Variants in APLF observed in about 807,000 individuals in gnomAD.
APLF encodes the protein aprataxin and PNKP like factor, also known as aprataxin and PNK-like factor.
A neutral mutation model predicts 55.6 loss-of-function variants in APLF; 61 were observed. The observed-to-expected ratio is 1.10, with a 90% CI of 0.89 to 1.36. The LOEUF is 1.36. APLF is among the 40% of genes most tolerant of loss of function. The pLI, the probability that APLF is intolerant of heterozygous loss-of-function variation, is 0.00. For missense variants in APLF, 611 were observed against 602.5 expected (o/e 1.01, Z -0.15); for synonymous variants, 207 against 214.8 (o/e 0.96, Z 0.32).
At position 68,529,053 on chromosome 2, in the gene APLF, C is replaced by T. The variant is rs1670166417; in HGVS notation, c.804+2811C>T. ...AGCCTGGCTGGGATCACCTGCTCAT[C>T]TAATGAAGGAAGTTGAAGGTTAAAC... On this transcript the variant is annotated intron_variant, in intron 6 of 9. Coordinates refer to ENST00000303795, the MANE Select transcript of APLF (RefSeq NM_173545.3). This position sits in a 1 kb window ranked among gnomAD's most constrained non-coding sequence, Gnocchi z 4.4. 6.8e-7 allele frequency: 1 copy of T among 1,468,336 alleles called. No homozygotes were observed. The highest frequency in any genetic ancestry group is 9.2e-7 in the Non-Finnish European group (1 of 1,085,078). 91.0% of individuals were successfully genotyped at this position (1,468,336 alleles called of 1,614,324 possible). A position where few individuals can be genotyped will look rare whatever the true frequency, so the allele number is the denominator to read the frequency against.
At chr2:68,518,851 CTAA>C (rs1374538496) in intron 5 of APLF, among the ~76,000 whole-genome samples, 3 of 103,378 alleles carry the variant, frequency 2.9e-5, no homozygotes, top group Admixed American at 2.1e-4. Context: ...TAATAAAATA[CTAA>C]TATTATGTCA....
In APLF at chr2:68,471,140, A is replaced by C. The variant is rs189631057; in HGVS notation, c.96+3313A>C. ...CTTTAACACGTGATTTCTTCCTTCC[A>C]TTTCGGCATCTCAGCCTCTCATTCA... On this transcript the variant is annotated intron_variant, in intron 1 of 9. Coordinates refer to ENST00000303795, the MANE Select transcript of APLF (RefSeq NM_173545.3). Among the ~76,000 whole-genome samples the C allele has an allele frequency of 4.6e-5, 7 of 152,200 alleles. No homozygotes were observed. The South Asian group carries it at 8.3e-4, about 18-fold the overall frequency.
intron 5 of APLF, among the ~76,000 whole-genome samples, chr2:68,524,403 C>A (rs1211107946): frequency 6.6e-6 from 1 of 152,160 alleles, no homozygotes; most frequent in Non-Finnish European, 1.5e-5. Flanking sequence ...TAGAACTGGA[C>A]TAAGCAAACT....
At chr2:68,538,447 C>T (rs562091881) in intron 7 of APLF, among the ~76,000 whole-genome samples, 1 of 152,258 alleles carries the variant, frequency 6.6e-6, no homozygotes, top group Non-Finnish European at 1.5e-5. Context: ...TATATATAGA[C>T]ATGCTGACTA....
At chr2:68,486,827 T>C (rs1250423585) in intron 1 of APLF, among the ~76,000 whole-genome samples, 2 of 152,178 alleles carry the variant, frequency 1.3e-5, no homozygotes, top group African/African-American at 4.8e-5. Flanking sequence ...ATGTGAAATA[T>C]CTGACTTTCA....
Position 68,540,169 on chromosome 2 carries a change from C to T in APLF, c.1160+1942C>T, listed in dbSNP as rs139450615. Among the ~76,000 whole-genome samples the T allele has an allele frequency of 1.4e-3, 209 of 151,960 alleles. 1 individual carries two copies. The highest frequency in any genetic ancestry group is 5.0e-3 in the African/African-American group (207 of 41,424). On this transcript the variant is annotated intron_variant, in intron 7 of 9. Transcript: ENST00000303795. ...AATGCTATCCCTCCCCTTGCCCCCA[C>T]CCCTCAACAGGCACCAGTATGTGAT...
At chr2:68,527,351 G>A (rs1670093312) in intron 6 of APLF, among the ~76,000 whole-genome samples, 1 of 151,674 alleles carries the variant, frequency 6.6e-6, no homozygotes, top group Admixed American at 6.6e-5. Flanking sequence ...CGGGGCAGAG[G>A]CACTCCTCAC....
intron 1 of APLF, among the ~76,000 whole-genome samples, chr2:68,472,155 CAGAT>C (rs372896456): frequency 3.3e-5 from 5 of 152,270 alleles, no homozygotes; most frequent in African/African-American, 1.2e-4. Context: ...GCAGAGCTCT[CAGAT>C]AGCGGACTTC....
chr2:68,482,640 T>C (rs1675999775), intron 1 of APLF, among the ~76,000 whole-genome samples: 1 of 152,264 alleles, frequency 6.6e-6, no homozygotes, highest in African/African-American at 2.4e-5. Context: ...GTTTGGCTGC[T>C]TAGGGTCTGG....
At chr2:68,525,292 T>C (rs1477425033) in intron 5 of APLF, among the ~76,000 whole-genome samples, 1 of 151,248 alleles carries the variant, frequency 6.6e-6, no homozygotes, top group Non-Finnish European at 1.5e-5. Flanking sequence ...CAAGACTCTG[T>C]CTCATTAAAA....
chr2:68,476,474 C>T (rs1675778775), intron 1 of APLF, among the ~76,000 whole-genome samples: 1 of 103,270 alleles, frequency 9.7e-6, no homozygotes, highest in Non-Finnish European at 1.9e-5. Flanking sequence ...CAGAGTGAGA[C>T]TCAAAAAAAA....
intron 8 of APLF, among the ~76,000 whole-genome samples, chr2:68,565,000 C>T (rs1329806898): frequency 2.0e-5 from 3 of 152,038 alleles, no homozygotes; most frequent in Non-Finnish European, 4.4e-5. Flanking sequence ...TTCATTTTCT[C>T]AGCTTTGTTA....
At chr2:68,558,257 C>T (rs1384793885) in intron 8 of APLF, among the ~76,000 whole-genome samples, 1 of 151,998 alleles carries the variant, frequency 6.6e-6, no homozygotes, top group Non-Finnish European at 1.5e-5. Flanking sequence ...GTTATATTTA[C>T]TGTTAATTAC....
chr2:68,471,083 A>G (rs1322386655), intron 1 of APLF, among the ~76,000 whole-genome samples: 1 of 152,146 alleles, frequency 6.6e-6, no homozygotes, highest in East Asian at 1.9e-4. Context: ...TTTATTATTT[A>G]GCCTACAACC....
At chr2:68,567,284 A>G (rs1671334552) in intron 8 of APLF, 57 bp from the exon 9 acceptor site, 1 of 1,444,526 alleles carries the variant, frequency 6.9e-7, no homozygotes, top group African/African-American at 1.4e-5. Context: ...TAGTGTAAAT[A>G]GTCATCAACT....
chr2:68,509,071 C>T (rs548426431), intron 3 of APLF, among the ~76,000 whole-genome samples: 84 of 152,098 alleles, frequency 5.5e-4, no homozygotes, highest in Admixed American at 5.2e-3. Flanking sequence ...AAAATTAATT[C>T]GAGATGGATT....
chr2:68,491,511 T>C (rs887229397), intron 2 of APLF, among the ~76,000 whole-genome samples: 21 of 152,350 alleles, frequency 1.4e-4, no homozygotes, highest in Admixed American at 1.2e-3. Flanking sequence ...TGTTATTCTC[T>C]AGTGCCCAAT....
intron 3 of APLF, among the ~76,000 whole-genome samples, chr2:68,507,336 A>G (rs924284575): frequency 1.3e-5 from 2 of 151,986 alleles, no homozygotes; most frequent in African/African-American, 4.8e-5. Flanking sequence ...CAAACCAACC[A>G]TAGAAGAGCT....
At chr2:68,509,149 A>G (rs1238257191) in intron 3 of APLF, among the ~76,000 whole-genome samples, 1 of 152,144 alleles carries the variant, frequency 6.6e-6, no homozygotes, top group Non-Finnish European at 1.5e-5. Flanking sequence ...ACCATTCAGG[A>G]CATAGGCATA....
Sources: allele counts gnomAD v4.1 joint callset (sites outside exome capture counted in the v4.1 genomes callset), GRCh38; gene constraint gnomAD v4.1.1; non-coding constraint Gnocchi (gnomAD v3.1); transcripts MANE v1.5; gene names NCBI Gene and HGNC (gene_info 2026-07-23, HGNC 2026-07-21).